The following ZNF565 variants were observed in gnomAD, a reference collection of about 807,000 sequenced individuals.
ZNF565 encodes zinc finger protein 565.
In ZNF565, 27 loss-of-function variants were observed where a neutral mutation model predicts 39.4. The ratio of observed to expected loss-of-function variants is 0.69; its 90% CI spans 0.51 to 0.95. ZNF565 has a LOEUF of 0.95. ZNF565 is among the 40% of genes least tolerant of loss of function. The pLI is 0.00. For missense variants in ZNF565, 524 were observed against 621.1 expected, an observed-to-expected ratio of 0.84 and a Z score of 1.66; for synonymous variants, 185 against 216.6, an observed-to-expected ratio of 0.85 and a Z score of 1.28.
chr19:36,237,421 GTTAACT>G (rs1977684876), intron 1 of ZNF565: 1 of 1,411,074 alleles, frequency 7.1e-7, no homozygotes, highest in Non-Finnish European at 9.4e-7. Context: ...CACGAATGAG[GTTAACT>G]TTAACAAGTA....
chr19:36,241,475 ACT>A (rs1449858554), intron 1 of ZNF565, among the ~76,000 whole-genome samples: 1 of 118,636 alleles, frequency 8.4e-6, no homozygotes, highest in East Asian at 2.4e-4. Flanking sequence ...CAAGAGCAAG[ACT>A]CTGTATTAAA....
chr19:36,215,579 C>CT (rs1218270935), upstream of ZNF565, among the ~76,000 whole-genome samples: 8 of 152,080 alleles, frequency 5.3e-5, no homozygotes, highest in African/African-American at 1.7e-4. Context: ...GGTGGAAAAG[C>CT]TAAGTGGTGA....
chr19:36,184,770 A>G (rs1033445427), intron 4 of ZNF565, among the ~76,000 whole-genome samples: 5 of 152,194 alleles, frequency 3.3e-5, no homozygotes, highest in Non-Finnish European at 7.3e-5. Context: ...ATGTCCATCA[A>G]AATGAAAATC....
At chr19:36,215,453 A>G (rs533506276), upstream of ZNF565, among the ~76,000 whole-genome samples, 4 of 152,180 alleles carry the variant, frequency 2.6e-5, no homozygotes, top group East Asian at 7.7e-4. Flanking sequence ...TAAGAGGGAG[A>G]TGTAGGAGAC....
chr19:36,238,943 G>T (rs535347902), intron 1 of ZNF565, among the ~76,000 whole-genome samples: 1 of 152,240 alleles, frequency 6.6e-6, no homozygotes, highest in African/African-American at 2.4e-5. Flanking sequence ...ACCCTATTGG[G>T]AACTGTGCAT....
chr19:36,236,334 A>G (rs1020178478), intron 1 of ZNF565: 287 of 1,342,002 alleles, frequency 2.1e-4, no homozygotes, highest in Non-Finnish European at 2.7e-4. Context: ...GAGAAGCCTT[A>G]TAAATGTAAG....
intron 1 of ZNF565, among the ~76,000 whole-genome samples, chr19:36,231,187 AC>A (rs1977348750): frequency 6.6e-6 from 1 of 151,410 alleles, no homozygotes; most frequent in Admixed American, 6.6e-5. Flanking sequence ...ACATGGAGAA[AC>A]CCTGTCTCTA....
At chr19:36,199,675 C>T (rs1975886198) in intron 2 of ZNF565, among the ~76,000 whole-genome samples, 1 of 151,816 alleles carries the variant, frequency 6.6e-6, no homozygotes, top group Admixed American at 6.6e-5. Context: ...ACCTGGCTAA[C>T]TTTCGTATAT....
chr19:36,215,471 G>T (rs1465722104), upstream of ZNF565, among the ~76,000 whole-genome samples: 3 of 152,094 alleles, frequency 2.0e-5, no homozygotes, highest in Admixed American at 6.5e-5. Flanking sequence ...GACCAGCATT[G>T]AGGTATAACG....
upstream of ZNF565, among the ~76,000 whole-genome samples, chr19:36,216,552 G>GGAGGCTGAGGCAGGAAAATCC: frequency 6.6e-6 from 1 of 152,276 alleles, no homozygotes; most frequent in East Asian, 1.9e-4. Context: ...GAGCTACCGC[G>GGAGGCTGAGGCAGGAAAATCC]GAGGCTGAGG....
Position 36,226,048 on chromosome 19 carries a change from G to A in ZNF565, c.55+19428C>T, listed in dbSNP as rs546505328. On this transcript the variant is annotated intron_variant, in intron 1 of 4. Transcript: ENST00000355114. ...GCTTCCCAAAGTGCTGGGATTAGTG[G>A]CATGAGCCACTGCGTCCAGCCCACG... Among the ~76,000 whole-genome samples, 4 of 152,252 alleles carry A rather than the reference G, an allele frequency of 2.6e-5. No homozygotes were observed. The East Asian group carries it at 7.7e-4, about 29-fold the overall frequency.
intron 1 of ZNF565, among the ~76,000 whole-genome samples, chr19:36,241,550 T>C (rs1432828718): frequency 6.6e-6 from 1 of 151,456 alleles, no homozygotes; most frequent in Non-Finnish European, 1.5e-5. Flanking sequence ...CCCAGCACTT[T>C]GTGAAGCGGA....
intron 1 of ZNF565, chr19:36,238,813 C>T (rs1031871377): frequency 6.0e-6 from 1 of 165,854 alleles, no homozygotes; most frequent in African/African-American, 2.4e-5. Flanking sequence ...CACACTATAT[C>T]GGGGTCCCCA....
intron 4 of ZNF565, among the ~76,000 whole-genome samples, chr19:36,190,685 G>C (rs1975501934): frequency 6.6e-6 from 1 of 151,560 alleles, no homozygotes; most frequent in South Asian, 2.1e-4. Flanking sequence ...AGGGTCCTTG[G>C]AAGTGAAAGT....
At chr19:36,211,845 A>C (rs1976372533) in intron 1 of ZNF565, among the ~76,000 whole-genome samples, 1 of 152,170 alleles carries the variant, frequency 6.6e-6, no homozygotes, top group African/African-American at 2.4e-5. Flanking sequence ...TGATGATGGA[A>C]ACAAACCCCA....
intron 2 of ZNF565, among the ~76,000 whole-genome samples, chr19:36,200,007 A>G (rs2145338163): frequency 6.6e-6 from 1 of 151,880 alleles, no homozygotes; most frequent in Admixed American, 6.6e-5. Flanking sequence ...TTCCCACCTT[A>G]GAAATTAAAA....
upstream of ZNF565, among the ~76,000 whole-genome samples, chr19:36,216,421 A>G (rs1461534416): frequency 6.6e-6 from 1 of 152,082 alleles, no homozygotes; most frequent in Non-Finnish European, 1.5e-5. Flanking sequence ...TGGGTGGATT[A>G]CCTGAGATCA....
chr19:36,237,524 C>A, intron 1 of ZNF565: 2 of 484,606 alleles, frequency 4.1e-6, no homozygotes, highest in Non-Finnish European at 7.0e-6. Flanking sequence ...GAGAAACCTG[C>A]AGCAGAGATA....
intron 2 of ZNF565, among the ~76,000 whole-genome samples, chr19:36,201,199 G>C (rs1975952125): frequency 6.6e-6 from 1 of 152,058 alleles, no homozygotes; most frequent in Non-Finnish European, 1.5e-5. Flanking sequence ...CTACTTGGGA[G>C]GCTGAGGTGG....
Sources: allele counts gnomAD v4.1 joint callset (sites outside exome capture counted in the v4.1 genomes callset), GRCh38; gene constraint gnomAD v4.1.1; transcripts MANE v1.5; gene names NCBI Gene and HGNC (gene_info 2026-07-23, HGNC 2026-07-21).